MED13: variants seen among roughly 807,000 people sequenced by gnomAD.
MED13 encodes mediator complex subunit 13, also known as mediator of RNA polymerase II transcription subunit 13.
In MED13, 23 loss-of-function variants were observed where a neutral mutation model predicts 225.2. The observed-to-expected ratio is 0.10, with a 90% CI of 0.07 to 0.14. The LOEUF is 0.14. Among genes scored for constraint, MED13 ranks in the 10% least tolerant of loss-of-function variants. MED13 has a pLI of 1.00. For missense variants in MED13, 2,197 were observed against 2,594.5 expected, an observed-to-expected ratio of 0.85 and a Z score of 3.33; for synonymous variants, 942 against 889.2, an observed-to-expected ratio of 1.06 and a Z score of -1.06.
At position 61,982,949 on chromosome 17, in the gene MED13, A is replaced by C; in HGVS notation, c.3054T>G (p.Pro1018=). 1.2e-6 allele frequency: 2 copies of C among 1,614,098 alleles called. No individual in the cohort carries two copies. Among genetic ancestry groups the C allele is most frequent in the Non-Finnish European group, 1.7e-6 (2 of 1,180,016 alleles). The part of the protein sequence containing the change: ...RFPTPRTPRT[P]RTPRGAGGPA... Reference sequence around the variant, plus strand: ...GTCCACCAGCTCCACGAGGAGTCCGAGGAGTCCTTGGAGTCCTTGGAGTTG... The same window carrying C: ...GTCCACCAGCTCCACGAGGAGTCCGCGGAGTCCTTGGAGTCCTTGGAGTTG... The change falls in exon 16 of 30, where the codon CCT becomes CCG. Residue 1018 remains proline, a synonymous_variant. Coordinates refer to ENST00000397786, the MANE Select transcript of MED13 (RefSeq NM_005121.3).
chr17:62,030,003 C>G lies in MED13; in HGVS notation c.1020G>C (p.Gln340His). ...AAAATTTGACCCACTTCTGGACAGA[C>G]TGAGGATCAACTGAAAACAAAACAA... ...SPEEVQTVDPQSVQKWVKFSS... is the reference protein window; with the variant it reads ...SPEEVQTVDPHSVQKWVKFSS... The change falls in exon 7 of 30, where the codon CAG becomes CAC. Residue 340 changes from glutamine (Q) to histidine (H), a missense_variant. Coordinates refer to ENST00000397786, the MANE Select transcript of MED13 (RefSeq NM_005121.3). 1 of 1,579,248 alleles carries G rather than the reference C, an allele frequency of 6.3e-7. No homozygotes were observed. Among genetic ancestry groups the G allele is most frequent in the Non-Finnish European group, 8.6e-7 (1 of 1,162,746 alleles).
intron 23 of MED13, among the ~76,000 whole-genome samples, chr17:61,957,046 C>A (rs984076580): frequency 1.3e-5 from 2 of 151,854 alleles, no homozygotes; most frequent in African/African-American, 2.4e-5. Context: ...CTGCTCTACG[C>A]CAGGGATTTT....
intron 3 of MED13, among the ~76,000 whole-genome samples, chr17:62,051,402 G>C (rs2080955741): frequency 6.6e-6 from 1 of 152,118 alleles, no homozygotes; most frequent in African/African-American, 2.4e-5. Flanking sequence ...AGCTATACCA[G>C]TACTAAACTA....
chr17:62,005,924 A>G (rs1010025205), intron 9 of MED13: 3 of 152,198 alleles, frequency 2.0e-5, no homozygotes, highest in African/African-American at 7.2e-5. Context: ...GGCATAGTGC[A>G]CAGCAGCCCG....
chr17:62,044,240 A>C (rs1340835663), intron 3 of MED13, among the ~76,000 whole-genome samples: 2 of 152,196 alleles, frequency 1.3e-5, no homozygotes, highest in Non-Finnish European at 2.9e-5. Flanking sequence ...CTTAAAAAAA[A>C]AAAATCGATG....
chr17:62,014,310 T>TTATATA lies in MED13; in HGVS notation c.1284-3083_1284-3078dup, dbSNP rs79817498. Among the ~76,000 whole-genome samples the TTATATA allele has an allele frequency of 8.3e-3, 1,193 of 143,108 alleles. 11 individuals carry two copies. Among genetic ancestry groups the TTATATA allele is most frequent in the East Asian group, 0.036 (175 of 4,902 alleles). 93.9% of individuals were successfully genotyped at this position (143,108 alleles called of 152,430 possible). Reference sequence around the variant, plus strand: ...ATGATGGGAAGTTCTGTATATGTTTTTATATATATATATATATATATTTTG... The same window carrying TTATATA: ...ATGATGGGAAGTTCTGTATATGTTTTTATATATATATATATATATATATATATTTTG... On this transcript the variant is annotated intron_variant, in intron 8 of 29. Transcript: ENST00000397786.
intron 16 of MED13, among the ~76,000 whole-genome samples, chr17:61,981,572 G>C (rs933727820): frequency 1.3e-5 from 2 of 151,916 alleles, no homozygotes; most frequent in African/African-American, 4.8e-5. Context: ...ACTCCCTCAG[G>C]GTCTTTGCAC....
intron 8 of MED13, among the ~76,000 whole-genome samples, chr17:62,022,663 G>A (rs2080660745): frequency 6.6e-6 from 1 of 151,996 alleles, no homozygotes; most frequent in Admixed American, 6.6e-5. Context: ...AATATGGAAA[G>A]ATCTGAGGCA....
rs938611592 is a variant in MED13 at position 61,956,601 on chromosome 17, C to T, written c.5481-120G>A. On this transcript the variant is annotated intron_variant, in intron 23 of 29. Transcript: ENST00000397786. ...CCAGGCTGGATGGAGTGCAGTGGTG[C>T]GATCTCGGCTCACTGCAACCTCCAC... The T allele has an allele frequency of 1.2e-4, 113 of 954,160 alleles. No individual in the cohort carries two copies. In the Middle Eastern group the frequency reaches 1.3e-3, roughly 11 times the overall value. The allele number at this position is 954,160 out of a possible 1,614,324, so 59.1% of individuals were successfully genotyped here.
Position 62,063,093 on chromosome 17 carries a change from G to C in MED13, c.275C>G (p.Ala92Gly), listed in dbSNP as rs201291402. Residue 92 changes from alanine (A) to glycine (G), a missense_variant, in exon 2 of 30, where the codon GCT (alanine) becomes GGT (glycine). By Grantham distance (60) the Ala-to-Gly change is moderately conservative. This residue lies in a region of MED13 where 884 missense variants were observed against 918.5 expected (regional missense o/e 0.96). Transcript: ENST00000397786. ...TGATAAGTCATGGTGAATAAGGTCA[G>C]CAAAACTGGGGTCTTCACCCCACCA... ...IFWWGEDPSFADLIHHDLSEE... is the reference protein window; with the variant it reads ...IFWWGEDPSFGDLIHHDLSEE... The C allele has an allele frequency of 2.5e-4, 410 of 1,614,064 alleles. 2 individuals carry two copies. Among genetic ancestry groups the C allele is most frequent in the South Asian group, 6.5e-4 (59 of 91,084 alleles).
intron 8 of MED13, among the ~76,000 whole-genome samples, chr17:62,021,584 AATAT>A (rs1223473555): frequency 6.6e-6 from 1 of 152,248 alleles, no homozygotes; most frequent in African/African-American, 2.4e-5. Context: ...ACTAAAGTCT[AATAT>A]CAGTAAATGT....
intron 3 of MED13, among the ~76,000 whole-genome samples, chr17:62,048,613 G>A (rs2080924909): frequency 6.6e-6 from 1 of 152,040 alleles, no homozygotes; most frequent in African/African-American, 2.4e-5. Context: ...TAACCACTAT[G>A]TAAGTGAGCC....
At chr17:62,049,997 A>G (rs2080941736) in intron 3 of MED13, among the ~76,000 whole-genome samples, 1 of 152,078 alleles carries the variant, frequency 6.6e-6, no homozygotes, top group Non-Finnish European at 1.5e-5. Context: ...AATAATATTT[A>G]TAAAATTATA....
In MED13 at chr17:62,031,629, C is replaced by G. The variant is rs1416446978; in HGVS notation, c.824G>C (p.Arg275Pro). 1 of 1,554,458 alleles carries G rather than the reference C, an allele frequency of 6.4e-7. No individual in the cohort carries two copies. Reference sequence around the variant, plus strand: ...AACAAAGCATGCTGGGTAGATCATTCGGACACCAGCTGAAAGGAAAAAAAT... The same window carrying G: ...AACAAAGCATGCTGGGTAGATCATTGGGACACCAGCTGAAAGGAAAAAAAT... ...AAVEVLVAGV[R>P]MIYPACFVLV... The change falls in exon 6 of 30, where the codon CGA becomes CCA. Residue 275 changes from arginine (R) to proline (P), a missense_variant. By Grantham distance (103) the Arg-to-Pro change is moderately radical. This residue lies in a region of MED13 where 884 missense variants were observed against 918.5 expected (regional missense o/e 0.96). Coordinates refer to ENST00000397786, the MANE Select transcript of MED13 (RefSeq NM_005121.3).
At chr17:61,990,117 C>T (rs142448964) in intron 11 of MED13, among the ~76,000 whole-genome samples, 6 of 152,146 alleles carry the variant, frequency 3.9e-5, no homozygotes, top group Non-Finnish European at 7.4e-5. Flanking sequence ...ACTTACTTTG[C>T]CCACATCAAA....
chr17:62,014,916 C>T (rs2080548294), intron 8 of MED13, among the ~76,000 whole-genome samples: 1 of 152,158 alleles, frequency 6.6e-6, no homozygotes, highest in South Asian at 2.1e-4. Context: ...CTACAGCTAC[C>T]TTCCATTTAT....
chr17:62,044,233 A>T (rs1017208921), intron 3 of MED13, among the ~76,000 whole-genome samples: 2 of 133,204 alleles, frequency 1.5e-5, no homozygotes, highest in Non-Finnish European at 3.2e-5. Context: ...TTACTTCCTT[A>T]AAAAAAAAAA....
chr17:62,038,880 G>C (rs559638710), intron 3 of MED13, among the ~76,000 whole-genome samples: 12 of 151,896 alleles, frequency 7.9e-5, no homozygotes, highest in Admixed American at 3.9e-4. Context: ...TCACTATGTT[G>C]CCCAGGCTGG....
intron 2 of MED13, among the ~76,000 whole-genome samples, chr17:62,060,915 GT>G (rs2081034261): frequency 6.6e-6 from 1 of 151,916 alleles, no homozygotes; most frequent in Non-Finnish European, 1.5e-5. Flanking sequence ...GGCCAGGATG[GT>G]CTCTATCTCC....
Sources: allele counts gnomAD v4.1 joint callset (sites outside exome capture counted in the v4.1 genomes callset), GRCh38; gene constraint gnomAD v4.1.1; regional missense constraint gnomAD v4.1.1; transcripts MANE v1.5; gene names NCBI Gene and HGNC (gene_info 2026-07-23, HGNC 2026-07-21).